CCSER1: variants seen among roughly 807,000 people sequenced by gnomAD.
The protein encoded by CCSER1 is coiled-coil serine rich protein 1.
Under a neutral mutation model 82.0 loss-of-function variants are expected in CCSER1, and 41 were observed. The observed-to-expected ratio is 0.50, with a 90% CI of 0.39 to 0.65. The LOEUF (loss-of-function observed/expected upper bound fraction) is 0.65. CCSER1 is among the 30% of genes least tolerant of loss of function. CCSER1 has a pLI of 0.00. For missense variants in CCSER1, 1,119 were observed against 1,064.2 expected, an observed-to-expected ratio of 1.05 and a Z score of -0.72; for synonymous variants, 414 against 383.9, an observed-to-expected ratio of 1.08 and a Z score of -0.92.
Position 90,381,047 on chromosome 4 carries a change from A to G in CCSER1, c.1510-18989A>G, listed in dbSNP as rs182954765. ...GAGTGCTGGCCCAGCCAGTGTCAAA[A>G]TCTTCAATGAATGTAGCAAGAACAG... On this transcript the variant is annotated intron_variant, in intron 3 of 10. Transcript: ENST00000509176. Among the ~76,000 whole-genome samples, 73 of 152,350 alleles carry G rather than the reference A, an allele frequency of 4.8e-4. 1 individual carries two copies. Among genetic ancestry groups the G allele is most frequent in the Non-Finnish European group, 4.4e-5 (3 of 68,030 alleles).
chr4:90,253,671 A>C (rs1208373327), intron 1 of CCSER1, among the ~76,000 whole-genome samples: 1 of 152,152 alleles, frequency 6.6e-6, no homozygotes, highest in Admixed American at 6.6e-5. Context: ...ACTTTGCTCA[A>C]CAACTTTGGT....
intron 10 of CCSER1, among the ~76,000 whole-genome samples, chr4:91,326,917 T>A (rs896400278): frequency 6.6e-6 from 1 of 152,132 alleles, no homozygotes; most frequent in African/African-American, 2.4e-5. Flanking sequence ...ATGTCTCACA[T>A]CCAGGCCACT....
intron 5 of CCSER1, among the ~76,000 whole-genome samples, chr4:90,570,155 TG>T (rs1779927747): frequency 6.6e-6 from 1 of 152,186 alleles, no homozygotes; most frequent in Non-Finnish European, 1.5e-5. Context: ...TGTGCCAGTA[TG>T]GGAGCTGGGC....
At chr4:90,990,194 T>G (rs913585657) in intron 9 of CCSER1, among the ~76,000 whole-genome samples, 1 of 151,848 alleles carries the variant, frequency 6.6e-6, no homozygotes, top group Admixed American at 6.6e-5. Flanking sequence ...GAGTAGAGCA[T>G]AATATCTCCC....
chr4:91,392,934 C>A (rs776952050), intron 10 of CCSER1, among the ~76,000 whole-genome samples: 1 of 151,958 alleles, frequency 6.6e-6, no homozygotes, highest in Non-Finnish European at 1.5e-5. Context: ...CCCCACCCCT[C>A]GAGTTTTTGA....
intron 8 of CCSER1, among the ~76,000 whole-genome samples, chr4:90,919,968 C>T (rs1728133270): frequency 6.6e-6 from 1 of 151,688 alleles, no homozygotes; most frequent in African/African-American, 2.4e-5. Context: ...AACTTAAAGA[C>T]AATTAGGTAT....
chr4:90,446,167 C>A (rs1760615689), intron 4 of CCSER1, among the ~76,000 whole-genome samples: 2 of 152,106 alleles, frequency 1.3e-5, no homozygotes, highest in African/African-American at 4.8e-5. Context: ...AGCATTAGCT[C>A]CAGTATATTT....
At chr4:90,619,098 A>G (rs559532001) in intron 5 of CCSER1, among the ~76,000 whole-genome samples, 7 of 151,894 alleles carry the variant, frequency 4.6e-5, no homozygotes, top group Non-Finnish European at 7.4e-5. Flanking sequence ...TTCCCTTTTT[A>G]GAGGTTTTTC....
chr4:90,305,028 C>T (rs991851199), intron 1 of CCSER1, among the ~76,000 whole-genome samples: 11 of 151,692 alleles, frequency 7.3e-5, no homozygotes, highest in Non-Finnish European at 8.8e-5. Flanking sequence ...GCCATTCTCC[C>T]GCCTCAGCCT....
chr4:90,436,587 G>T (rs188186225), intron 4 of CCSER1, among the ~76,000 whole-genome samples: 2 of 152,164 alleles, frequency 1.3e-5, no homozygotes, highest in African/African-American at 4.8e-5. Context: ...GAGACTTAAA[G>T]TTATATAAGC....
chr4:91,355,895 C>G (rs779013723), intron 10 of CCSER1, among the ~76,000 whole-genome samples: 1 of 152,126 alleles, frequency 6.6e-6, no homozygotes. Context: ...CTCCCTGATA[C>G]CAGGAGTAAG....
At chr4:90,748,627 G>A (rs1448421087) in intron 7 of CCSER1, among the ~76,000 whole-genome samples, 2 of 147,300 alleles carry the variant, frequency 1.4e-5, no homozygotes, top group African/African-American at 2.5e-5. Flanking sequence ...CTTCCACAAT[G>A]GTTGAACTAG....
rs572409269 is a variant in CCSER1 at position 91,013,599 on chromosome 4, A to G, written c.2173-72351A>G. On this transcript the variant is annotated intron_variant, in intron 9 of 10. Transcript: ENST00000509176. ...ATTGTGGTTCCTGATGAGTTTTAAG[A>G]TTTTCTTTTTTTTTTTTTTTTGAGA... is the stretch of plus-strand genomic sequence containing the variant. Among the ~76,000 whole-genome samples the G allele has an allele frequency of 2.7e-5, 3 of 112,592 alleles. 1 individual carries two copies. The highest frequency in any genetic ancestry group is 5.9e-4 in the South Asian group (2 of 3,406). 73.9% of individuals were successfully genotyped at this position (112,592 alleles called of 152,430 possible). A position where few individuals can be genotyped will look rare whatever the true frequency, so the allele number is the denominator to read the frequency against.
chr4:91,442,895 G>A (rs1372546327), intron 10 of CCSER1, among the ~76,000 whole-genome samples: 1 of 152,238 alleles, frequency 6.6e-6, no homozygotes, highest in Non-Finnish European at 1.5e-5. Context: ...CTGGCCGTCA[G>A]AGAAATGCAA....
intron 10 of CCSER1, among the ~76,000 whole-genome samples, chr4:91,567,897 C>T (rs1352005001): frequency 6.6e-6 from 1 of 152,000 alleles, no homozygotes; most frequent in East Asian, 1.9e-4. Flanking sequence ...GGATTTCATC[C>T]TATCATTGTG....
rs760313881 is a variant in CCSER1, at chr4:91,014,130, G to A, written c.2173-71820G>A. ...ATTTTTAGGAAAAATATTCTTTAGC[G>A]GGATTTTACTTTATTTCTGCAGATT... On this transcript the variant is annotated intron_variant, in intron 9 of 10. Coordinates refer to ENST00000509176, the MANE Select transcript of CCSER1 (RefSeq NM_001145065.2). Among the ~76,000 whole-genome samples the A allele has an allele frequency of 6.9e-5, 9 of 129,568 alleles. 2 individuals are homozygous for A. Among genetic ancestry groups the A allele is most frequent in the Non-Finnish European group, 1.6e-4 (9 of 56,034 alleles). 85.0% of individuals were successfully genotyped at this position (129,568 alleles called of 152,430 possible).
chr4:90,769,247 C>A (rs1376713733), intron 7 of CCSER1, among the ~76,000 whole-genome samples: 1 of 152,090 alleles, frequency 6.6e-6, no homozygotes, highest in Non-Finnish European at 1.5e-5. Flanking sequence ...ATGATATAAA[C>A]CCCAAGAAAC....
chr4:91,009,461 A>C (rs6532265), intron 9 of CCSER1, among the ~76,000 whole-genome samples: 2 of 152,014 alleles, frequency 1.3e-5, no homozygotes, highest in Non-Finnish European at 2.9e-5. Flanking sequence ...AGGTGGATGC[A>C]GTCACCTTCC....
intron 8 of CCSER1, among the ~76,000 whole-genome samples, chr4:90,859,704 A>G (rs576357019): frequency 9.2e-5 from 14 of 151,960 alleles, no homozygotes; most frequent in Non-Finnish European, 1.6e-4. Flanking sequence ...TACAAAATAC[A>G]TTAATAAATA....
Sources: allele counts gnomAD v4.1 joint callset (sites outside exome capture counted in the v4.1 genomes callset), GRCh38; gene constraint gnomAD v4.1.1; transcripts MANE v1.5; gene names NCBI Gene and HGNC (gene_info 2026-07-23, HGNC 2026-07-21).